The following ZZEF1 variants were observed in gnomAD, a reference collection of about 807,000 sequenced individuals.
ZZEF1 encodes the protein zinc finger ZZ-type and EF-hand domain containing 1.
In ZZEF1, 157 loss-of-function variants were observed where a neutral mutation model predicts 342.8. The ratio of observed to expected loss-of-function variants is 0.46; its 90% CI spans 0.40 to 0.52. The LOEUF is 0.52. Among genes scored for constraint, ZZEF1 ranks in the 20% least tolerant of loss-of-function variants. ZZEF1 has a pLI of 0.00. For missense variants in ZZEF1, 3,480 were observed against 3,725.6 expected, an observed-to-expected ratio of 0.93 and a Z score of 1.72; for synonymous variants, 1,505 against 1,429.1, an observed-to-expected ratio of 1.05 and a Z score of -1.20.
chr17:4,048,549 C>T (rs1286779067), intron 37 of ZZEF1, among the ~76,000 whole-genome samples: 1 of 152,184 alleles, frequency 6.6e-6, no homozygotes, highest in East Asian at 1.9e-4. Context: ...TTTAGTGCCA[C>T]TATCACAGGT....
At chr17:4,050,388 A>C (rs1408131208) in intron 36 of ZZEF1, among the ~76,000 whole-genome samples, 1 of 152,210 alleles carries the variant, frequency 6.6e-6, no homozygotes, top group African/African-American at 2.4e-5. Flanking sequence ...TATATTGCTA[A>C]ACTATTTTAC....
intron 37 of ZZEF1, among the ~76,000 whole-genome samples, chr17:4,048,920 C>G (rs1000242968): frequency 2.7e-5 from 4 of 148,334 alleles, no homozygotes; most frequent in Admixed American, 2.0e-4. Flanking sequence ...GGGTTTCACC[C>G]TGTTGGCCAG....
rs191999133 is a variant in ZZEF1, at chr17:4,079,485, G to C, written c.2830-1443C>G. 1.4e-3 allele frequency among the ~76,000 whole-genome samples: 214 copies of C among 152,316 alleles called. 1 individual carries two copies. The highest frequency in any genetic ancestry group is 4.8e-3 in the African/African-American group (201 of 41,560). On this transcript the variant is annotated intron_variant, in intron 18 of 54. Transcript: ENST00000381638. The stretch of plus-strand genomic sequence containing the variant: ...GCCGAGAACACATACTGATGAGACT[G>C]AAGTGAGTTTTTTAAGGAAGACTCA...
At chr17:4,140,842 C>T (rs1249925994) in intron 1 of ZZEF1, among the ~76,000 whole-genome samples, 1 of 150,854 alleles carries the variant, frequency 6.6e-6, no homozygotes, top group Non-Finnish European at 1.5e-5. Flanking sequence ...CGCGTAGATA[C>T]TAGAAAGAAG....
intron 44 of ZZEF1, 82 bp from the exon 45 acceptor site, chr17:4,021,402 G>C: frequency 8.7e-7 from 1 of 1,154,278 alleles, no homozygotes; most frequent in Non-Finnish European, 1.2e-6. Context: ...GAAAATATTG[G>C]GCCTAACTTT....
chr17:4,025,161 C>T (rs764404685), intron 42 of ZZEF1, 43 bp from the exon 43 acceptor site: 8 of 1,578,204 alleles, frequency 5.1e-6, no homozygotes, highest in Non-Finnish European at 7.0e-6. Context: ...CACAAAAGTA[C>T]AGTTCATGCT....
In ZZEF1 at chr17:4,090,832, T is replaced by C. The variant is rs2057929383; in HGVS notation, c.1914-2A>G. 1.2e-6 allele frequency: 2 copies of C among 1,611,106 alleles called. No individual in the cohort carries two copies. The highest frequency in any genetic ancestry group is 1.7e-6 in the Non-Finnish European group (2 of 1,177,484). On this transcript the variant is annotated splice_acceptor_variant, in intron 11 of 54. Coordinates refer to ENST00000381638, the MANE Select transcript of ZZEF1 (RefSeq NM_015113.4). LOFTEE classifies it high-confidence loss of function. ...AGGTCATCAGATGAGCAACCAATCC[T>C]GTAAAGACAAGAGTATTCACAAAAC... is the stretch of plus-strand genomic sequence containing the variant.
intron 54 of ZZEF1, among the ~76,000 whole-genome samples, chr17:4,007,320 A>G (rs1270007615): frequency 2.0e-5 from 3 of 152,244 alleles, no homozygotes; most frequent in Admixed American, 2.0e-4. Flanking sequence ...AGTGCTGGGG[A>G]CCAGAGGGAG....
chr17:4,009,851 C>G, intron 52 of ZZEF1, 94 bp from the exon 53 acceptor site: 3 of 1,406,494 alleles, frequency 2.1e-6, no homozygotes, highest in Non-Finnish European at 2.9e-6. Context: ...CAGACCCTCC[C>G]TCTCCCACAG....
intron 52 of ZZEF1, among the ~76,000 whole-genome samples, chr17:4,013,230 C>T (rs1053952243): frequency 6.6e-6 from 1 of 152,140 alleles, no homozygotes; most frequent in Non-Finnish European, 1.5e-5. Context: ...ACAAGTTCTA[C>T]AAGATAACAG....
intron 1 of ZZEF1, among the ~76,000 whole-genome samples, chr17:4,124,753 T>C (rs1043798537): frequency 1.3e-5 from 2 of 152,092 alleles, no homozygotes; most frequent in African/African-American, 4.8e-5. Flanking sequence ...CCACCGCGTC[T>C]GCCTGGGCTT....
Position 4,066,368 on chromosome 17 carries a change from G to A in ZZEF1, c.4249+79C>T, listed in dbSNP as rs1199435140. 9 of 1,218,074 alleles carry A rather than the reference G, an allele frequency of 7.4e-6. No individual in the cohort carries two copies. In the East Asian group the frequency reaches 1.9e-4, roughly 25 times the overall value. 75.5% of individuals were successfully genotyped at this position (1,218,074 alleles called of 1,614,324 possible). On this transcript the variant is annotated intron_variant, in intron 28 of 54. Transcript: ENST00000381638. ...ACACAGCCTCAATTAAGATAATCTA[G>A]AAGGTGAGTAATTGGTTTTCCAGGC...
rs765157686 is a variant in ZZEF1 at position 4,017,889 on chromosome 17, C to G, written c.7588G>C (p.Glu2530Gln). The G allele has an allele frequency of 1.2e-6, 2 of 1,614,176 alleles. No individual in the cohort carries two copies. The highest frequency in any genetic ancestry group is 2.2e-5 in the South Asian group (2 of 91,078). ...RWQPSKSLRL[E>Q]EQSAKAVDTD... Reference sequence around the variant, plus strand: ...TCCACAGCTTTGGCGCTCTGTTCTTCCAGCCTCAGACTCTTACTGGGCTGC... The same window carrying G: ...TCCACAGCTTTGGCGCTCTGTTCTTGCAGCCTCAGACTCTTACTGGGCTGC... Residue 2530 changes from glutamate (E) to glutamine (Q), a missense_variant, in exon 47 of 55, where the codon GAA becomes CAA. Physicochemically the swap from Glu to Gln is conservative, Grantham distance 29. This residue lies in a region of ZZEF1 where 1,269 missense variants were observed against 1,342.4 expected (regional missense o/e 0.95). Transcript: ENST00000381638. The surrounding 1 kb of genome is among the most constrained non-coding windows in gnomAD (Gnocchi z 5.1).
rs765117481 is a variant in ZZEF1 at position 4,044,376 on chromosome 17, T to C, written c.6016-2A>G. 1.9e-6 allele frequency: 3 copies of C among 1,601,270 alleles called. No homozygotes were observed. Among genetic ancestry groups the C allele is most frequent in the Non-Finnish European group, 2.6e-6 (3 of 1,175,902 alleles). ...TTCCTCATGAACAGCTCTCTTTCCC[T>C]AAAAAAACAAAAGTGTAAAAGAATT... is the stretch of plus-strand genomic sequence containing the variant. On this transcript the variant is annotated splice_acceptor_variant, in intron 37 of 54. Transcript: ENST00000381638. LOFTEE classifies it high-confidence loss of function.
chr17:4,064,833 GA>G lies in ZZEF1; in HGVS notation c.4250-5del, dbSNP rs760400355. ...CTCTTCTCAATGCACTCTTTTGCTA[GA>G]TGCAAACAAGAATCATAATTGAAAA... On this transcript the variant is annotated splice_polypyrimidine_tract_variant and splice_region_variant and intron_variant, in intron 28 of 54. Coordinates refer to ENST00000381638, the MANE Select transcript of ZZEF1 (RefSeq NM_015113.4). The G allele has an allele frequency of 7.6e-7, 1 of 1,322,464 alleles. No homozygotes were observed. The highest frequency in any genetic ancestry group is 2.8e-5 in the East Asian group (1 of 35,388). The allele number at this position is 1,322,464 out of a possible 1,614,324, so 81.9% of individuals were successfully genotyped here. A position where few individuals can be genotyped will look rare whatever the true frequency, so the allele number is the denominator to read the frequency against.
chr17:4,081,386 G>C lies in ZZEF1; in HGVS notation c.2819C>G (p.Ala940Gly). Residue 940 changes from alanine (A) to glycine (G), a missense_variant, in exon 18 of 55, where the codon GCT (alanine) becomes GGT (glycine). Coordinates refer to ENST00000381638, the MANE Select transcript of ZZEF1 (RefSeq NM_015113.4). ...LAVMDTLVSV[A>G]ARECELLMLS... The stretch of plus-strand genomic sequence containing the variant: ...GCAGCCACTGGATACCTCTCGAGCA[G>C]CAACAGAGACGAGAGTGTCCATGAC... The C allele has an allele frequency of 6.2e-7, 1 of 1,613,282 alleles. No individual in the cohort carries two copies. The highest frequency in any genetic ancestry group is 8.5e-7 in the Non-Finnish European group (1 of 1,179,874).
In ZZEF1 at chr17:4,070,769, A is replaced by G; in HGVS notation, c.3990T>C (p.Gly1330=). Residue 1330 remains glycine, a synonymous_variant, in exon 26 of 55, where the codon GGT becomes GGC. Transcript: ENST00000381638. ...KQAPKTDIVA[G]STIDQAVNAT... ...CGTTCACAGCTTGATCAATAGTGGA[A>G]CCAGCAACTATATCTGTCTTTGGGG... 3 of 1,614,090 alleles carry G rather than the reference A, an allele frequency of 1.9e-6. No individual in the cohort carries two copies. The highest frequency in any genetic ancestry group is 2.5e-6 in the Non-Finnish European group (3 of 1,180,016).
chr17:4,112,792 C>G lies in ZZEF1; in HGVS notation c.883G>C (p.Asp295His). The G allele has an allele frequency of 6.4e-7, 1 of 1,571,200 alleles. No homozygotes were observed. The highest frequency in any genetic ancestry group is 8.6e-7 in the Non-Finnish European group (1 of 1,157,082). The change falls in exon 5 of 55, where the codon GAT becomes CAT. Residue 295 changes from aspartate (D) to histidine (H), a missense_variant. Asp to His is a moderately conservative substitution (Grantham distance 81, BLOSUM62 -1). Coordinates refer to ENST00000381638, the MANE Select transcript of ZZEF1 (RefSeq NM_015113.4). ...ATGGACAGGTGCCTAAGCACAACATCTGGCTTCATTTTTAAACTGGAAAAC... is the reference window on the plus strand; with the variant it reads ...ATGGACAGGTGCCTAAGCACAACATGTGGCTTCATTTTTAAACTGGAAAAC... ...SHWIRLKMKP[D>H]VVLRHLSIAV...
Position 4,086,499 on chromosome 17 carries a change from T to C in ZZEF1, c.2499A>G (p.Thr833=), listed in dbSNP as rs749967029. The C allele has an allele frequency of 2.5e-6, 4 of 1,614,128 alleles. No homozygotes were observed. In the South Asian group the frequency reaches 3.3e-5, roughly 13 times the overall value. ...CCAAATCCCTACCATCACACAAGTG[T>C]GTGTACAGCTCCTTGGCAGCCTCTA... ...KGVEAAKELY[T]HLCDVVDKVD... The change falls in exon 15 of 55, where the codon ACA becomes ACG. Residue 833 remains threonine, a synonymous_variant. Coordinates refer to ENST00000381638, the MANE Select transcript of ZZEF1 (RefSeq NM_015113.4).
Sources: gnomAD v4.1 joint callset for allele counts (sites outside exome capture counted in the v4.1 genomes callset) on GRCh38, gnomAD v4.1.1 for gene constraint, gnomAD v4.1.1 regional missense constraint, Gnocchi (gnomAD v3.1) non-coding constraint, MANE v1.5 for transcripts, NCBI Gene and HGNC (gene_info 2026-07-23, HGNC 2026-07-21) for gene names.